The following FMO3 variants were observed in gnomAD, a reference collection of about 807,000 sequenced individuals.
FMO3 encodes flavin containing dimethylaniline monoxygenase 3.
In FMO3, 40 loss-of-function variants were observed where a neutral mutation model predicts 39.4. The observed-to-expected ratio is 1.02, with a 90% CI of 0.79 to 1.32. The LOEUF (loss-of-function observed/expected upper bound fraction) is 1.32. Among genes scored for constraint, FMO3 ranks in the 40% most tolerant of loss-of-function variants. FMO3 has a pLI of 0.00. For synonymous variants in FMO3, 219 were observed against 228.8 expected (o/e 0.96, Z 0.39); for missense variants, 680 against 651.8 (o/e 1.04, Z -0.47).
intron 2 of FMO3, among the ~76,000 whole-genome samples, chr1:171,096,119 TTAA>T (rs1411769875): frequency 4.5e-5 from 3 of 66,754 alleles, no homozygotes; most frequent in Non-Finnish European, 8.2e-5. Flanking sequence ...TTATTATATA[TTAA>T]TAATATAGTA....
chr1:171,113,843 G>A (rs997034352), intron 6 of FMO3, among the ~76,000 whole-genome samples, 164 bp from the exon 7 acceptor site: 13 of 152,042 alleles, frequency 8.6e-5, no homozygotes, highest in Admixed American at 8.5e-4. Context: ...ACTTCCCAAT[G>A]TTGCCTCCCA....
At position 171,117,316 on chromosome 1, in the gene FMO3, C is replaced by T. The variant is rs1294727418; in HGVS notation, c.1473C>T (p.Asp491=). Residue 491 remains aspartate (D), a synonymous_variant, in exon 9 of 9, where the codon GAC becomes GAT. Coordinates refer to ENST00000367755, the MANE Select transcript of FMO3 (RefSeq NM_001002294.3). ...GARNAILTQW[D]RSLKPMQTRV... is the part of the protein sequence containing the mutation. ...GAAATGCCATACTGACCCAGTGGGA[C>T]CGGTCGTTGAAACCCATGCAGACAC... 6.2e-7 allele frequency: 1 copy of T among 1,614,032 alleles called. No individual in the cohort carries two copies. The highest frequency in any genetic ancestry group is 2.2e-5 in the East Asian group (1 of 44,870).
intron 2 of FMO3, 39 bp from the exon 3 acceptor site, chr1:171,103,746 T>C (rs757585680): frequency 1.3e-6 from 2 of 1,515,744 alleles, no homozygotes; most frequent in Non-Finnish European, 1.8e-6. Flanking sequence ...AGTATACTCA[T>C]TTACCAATTC....
intron 6 of FMO3, 58 bp downstream of exon 6, chr1:171,111,055 T>C (rs1247340257): frequency 7.2e-7 from 1 of 1,381,920 alleles, no homozygotes; most frequent in African/African-American, 1.4e-5. Context: ...TCAACAACCC[T>C]TAATGTCCTG....
Position 171,116,300 on chromosome 1 carries a change from T to C in FMO3, c.1256+20T>C, listed in dbSNP as rs751458097. 12 of 1,258,988 alleles carry C rather than the reference T, an allele frequency of 9.5e-6. No individual in the cohort carries two copies. The East Asian group carries it at 2.6e-4, about 27-fold the overall frequency. The allele number at this position is 1,258,988 out of a possible 1,614,324, so 78.0% of individuals were successfully genotyped here. On this transcript the variant is annotated intron_variant, in intron 8 of 8. Transcript: ENST00000367755. Reference sequence around the variant, plus strand: ...CAAATGGTAAGAGTACCTATTGTAATAGGAGTGTAGGATTTCCATAGAAAA... The same window carrying C: ...CAAATGGTAAGAGTACCTATTGTAACAGGAGTGTAGGATTTCCATAGAAAA...
chr1:171,102,047 G>T (rs1459335696), intron 2 of FMO3, among the ~76,000 whole-genome samples: 1 of 151,940 alleles, frequency 6.6e-6, no homozygotes, highest in African/African-American at 2.4e-5. Flanking sequence ...CATCCCACAT[G>T]CCTATAGCAG....
At chr1:171,100,218 T>C (rs973194505) in intron 2 of FMO3, 1 of 152,198 alleles carries the variant, frequency 6.6e-6, no homozygotes, top group Admixed American at 6.5e-5. Context: ...TAATTTGTCT[T>C]TTCTTGCTGC....
intron 6 of FMO3, among the ~76,000 whole-genome samples, chr1:171,113,521 T>C (rs1656003537): frequency 6.6e-6 from 1 of 152,218 alleles, no homozygotes; most frequent in Non-Finnish European, 1.5e-5. Flanking sequence ...GCTCCATGCA[T>C]ATGCTAGAGA....
chr1:171,116,197 T>A lies in FMO3; in HGVS notation c.1184-11T>A. On this transcript the variant is annotated splice_polypyrimidine_tract_variant and intron_variant, in intron 7 of 8. Coordinates refer to ENST00000367755, the MANE Select transcript of FMO3 (RefSeq NM_001002294.3). Reference sequence around the variant, plus strand: ...TCATTAATTACCATCGTGTCTTTCCTTCTTTATCAGGAACTTGTACTTTGC... The same window carrying A: ...TCATTAATTACCATCGTGTCTTTCCATCTTTATCAGGAACTTGTACTTTGC... 6.4e-7 allele frequency: 1 copy of A among 1,572,816 alleles called. No individual in the cohort carries two copies. Among genetic ancestry groups the A allele is most frequent in the South Asian group, 1.1e-5 (1 of 90,164 alleles).
At chr1:171,111,772 A>G (rs1024402104) in intron 6 of FMO3, among the ~76,000 whole-genome samples, 1 of 152,238 alleles carries the variant, frequency 6.6e-6, no homozygotes, top group African/African-American at 2.4e-5. Flanking sequence ...TTACACGTTT[A>G]TTATATGCCA....
intron 2 of FMO3, among the ~76,000 whole-genome samples, chr1:171,096,277 A>G (rs1439533665): frequency 1.6e-5 from 1 of 62,966 alleles, no homozygotes; most frequent in East Asian, 4.2e-4. Flanking sequence ...TATAAATATT[A>G]TATATATTAT....
chr1:171,112,132 G>C (rs954619174), intron 6 of FMO3, among the ~76,000 whole-genome samples: 2 of 152,092 alleles, frequency 1.3e-5, no homozygotes, highest in African/African-American at 4.8e-5. Context: ...ACAACAATGG[G>C]GCTTCTCTTC....
At position 171,107,732 on chromosome 1, in the gene FMO3, G is replaced by T. The variant is rs1655708308; in HGVS notation, c.379G>T (p.Val127Phe). 3 of 1,611,208 alleles carry T rather than the reference G, an allele frequency of 1.9e-6. No homozygotes were observed. The highest frequency in any genetic ancestry group is 1.3e-5 in the African/African-American group (1 of 74,860). Reference protein sequence around the residue: ...PDFATTGQWDVTTERDGKKES... With the variant: ...PDFATTGQWDFTTERDGKKES... ...TTTTGCAACTACTGGCCAGTGGGATGTTACCACTGAAAGGGATGGTAAAAA... is the reference window on the plus strand; with the variant it reads ...TTTTGCAACTACTGGCCAGTGGGATTTTACCACTGAAAGGGATGGTAAAAA... The change falls in exon 4 of 9, where the codon GTT becomes TTT. Residue 127 changes from valine (V) to phenylalanine (F), a missense_variant. Transcript: ENST00000367755.
chr1:171,101,711 C>T, intron 2 of FMO3: 1 of 513,338 alleles, frequency 1.9e-6, no homozygotes, highest in South Asian at 1.5e-5. Context: ...TTTCCCTCAC[C>T]TTCTTTGGTC....
chr1:171,114,282 T>C lies in FMO3; in HGVS notation c.1103T>C (p.Val368Ala). Residue 368 changes from valine to alanine, a missense_variant, in exon 7 of 9, where the codon GTG becomes GCG. Coordinates refer to ENST00000367755, the MANE Select transcript of FMO3 (RefSeq NM_001002294.3). ...CTACTTGAGAAGTCAACCATAGCAG[T>C]GATTGGCTTTGTCCAGTCCCTTGGG... ...PPLLEKSTIA[V>A]IGFVQSLGAA... is the part of the protein sequence containing the mutation. The C allele has an allele frequency of 6.2e-7, 1 of 1,613,972 alleles. No individual in the cohort carries two copies. Among genetic ancestry groups the C allele is most frequent in the Non-Finnish European group, 8.5e-7 (1 of 1,179,964 alleles).
chr1:171,092,438 C>T (rs994540091), intron 1 of FMO3, among the ~76,000 whole-genome samples: 3 of 152,008 alleles, frequency 2.0e-5, no homozygotes, highest in Non-Finnish European at 2.9e-5. Flanking sequence ...ACTCTGTTGT[C>T]CAGGCTGCTT....
chr1:171,104,220 T>C (rs1239447609), intron 3 of FMO3, among the ~76,000 whole-genome samples: 1 of 152,064 alleles, frequency 6.6e-6, no homozygotes, highest in Non-Finnish European at 1.5e-5. Flanking sequence ...ACCAAAGAAA[T>C]AAATATAAAA....
At chr1:171,096,079 TA>T (rs1655010696) in intron 2 of FMO3, among the ~76,000 whole-genome samples, 2 of 74,994 alleles carry the variant, frequency 2.7e-5, no homozygotes, top group African/African-American at 1.2e-4. Context: ...TATTAATATA[TA>T]ATATATATTA....
In FMO3 at chr1:171,117,673, A is replaced by G; in HGVS notation, c.*231A>G. 2 of 436,174 alleles carry G rather than the reference A, an allele frequency of 4.6e-6. No individual in the cohort carries two copies. Among genetic ancestry groups the G allele is most frequent in the Non-Finnish European group, 8.1e-6 (2 of 246,308 alleles). The allele number at this position is 436,174 out of a possible 1,614,324, so 27.0% of individuals were successfully genotyped here. A position where few individuals can be genotyped will look rare whatever the true frequency, so the allele number is the denominator to read the frequency against. ...AATCATTTCTGTTTGAGTTCCACTA[A>G]CACTTCAAAATCAGAACTATGTTCT... On this transcript the variant is annotated 3_prime_UTR_variant, in exon 9 of 9. Coordinates refer to ENST00000367755, the MANE Select transcript of FMO3 (RefSeq NM_001002294.3).
Sources: gnomAD v4.1 joint callset for allele counts (sites outside exome capture counted in the v4.1 genomes callset) on GRCh38, gnomAD v4.1.1 for gene constraint, MANE v1.5 for transcripts, NCBI Gene and HGNC (gene_info 2026-07-23, HGNC 2026-07-21) for gene names.